The following ARHGAP15 variants were observed in gnomAD, a reference collection of about 807,000 sequenced individuals.
ARHGAP15 encodes rho GTPase-activating protein 15.
A neutral mutation model predicts 63.7 loss-of-function variants in ARHGAP15; 51 were observed. The observed-to-expected ratio is 0.80, with a 90% CI of 0.64 to 1.01. ARHGAP15 has a LOEUF of 1.01. Among genes scored for constraint, ARHGAP15 ranks in the 50% least tolerant of loss-of-function variants. The probability of loss-of-function intolerance (pLI) is 0.00; values close to 1 mark genes in which losing one functional copy is unlikely to be tolerated. For synonymous variants in ARHGAP15, 191 were observed against 193.8 expected, an observed-to-expected ratio of 0.99 and a Z score of 0.12; for missense variants, 560 against 564.6, an observed-to-expected ratio of 0.99 and a Z score of 0.08.
chr2:143,432,441 C>A (rs2105081333), intron 6 of ARHGAP15, among the ~76,000 whole-genome samples: 1 of 152,128 alleles, frequency 6.6e-6, no homozygotes, highest in Admixed American at 6.6e-5. Flanking sequence ...TAGTAAAGCT[C>A]CATTTAATTA....
At chr2:143,410,850 G>A (rs148327531) in intron 6 of ARHGAP15, among the ~76,000 whole-genome samples, 2 of 146,692 alleles carry the variant, frequency 1.4e-5, no homozygotes, top group Admixed American at 1.4e-4. Context: ...GTTAGGTTTT[G>A]TTGATGACAG....
intron 11 of ARHGAP15, among the ~76,000 whole-genome samples, chr2:143,613,652 G>A (rs144534728): frequency 6.6e-5 from 10 of 152,202 alleles, no homozygotes; most frequent in East Asian, 5.8e-4. Context: ...ACAAAAATTC[G>A]TCTCTGAACT....
At chr2:143,488,507 G>A (rs1226267243) in intron 9 of ARHGAP15, among the ~76,000 whole-genome samples, 1 of 152,172 alleles carries the variant, frequency 6.6e-6, no homozygotes, top group African/African-American at 2.4e-5. Context: ...TAGCTTATGT[G>A]TACATTTTGA....
At chr2:143,335,799 A>G (rs1457187759) in intron 6 of ARHGAP15, among the ~76,000 whole-genome samples, 3 of 152,066 alleles carry the variant, frequency 2.0e-5, no homozygotes, top group African/African-American at 7.2e-5. Context: ...AGACTGGGAA[A>G]AGCCAATGTT....
intron 8 of ARHGAP15, among the ~76,000 whole-genome samples, chr2:143,438,674 G>C (rs1437350035): frequency 1.3e-5 from 2 of 152,166 alleles, no homozygotes; most frequent in Non-Finnish European, 2.9e-5. Flanking sequence ...TAATGGTACA[G>C]TTTAGAGGTA....
chr2:143,235,207 A>T (rs1041774028), intron 5 of ARHGAP15, among the ~76,000 whole-genome samples: 2 of 151,900 alleles, frequency 1.3e-5, no homozygotes, highest in African/African-American at 4.8e-5. Context: ...CTGCCAAAAA[A>T]TAGGGTGAGA....
intron 4 of ARHGAP15, among the ~76,000 whole-genome samples, chr2:143,225,163 T>A (rs1246200402): frequency 6.6e-6 from 1 of 152,192 alleles, no homozygotes; most frequent in Non-Finnish European, 1.5e-5. Flanking sequence ...CACGGAATGG[T>A]GCATTTTTAT....
At chr2:143,547,296 G>C (rs1469656748) in intron 10 of ARHGAP15, among the ~76,000 whole-genome samples, 2 of 152,058 alleles carry the variant, frequency 1.3e-5, no homozygotes, top group Non-Finnish European at 2.9e-5. Flanking sequence ...AGGTATTAAG[G>C]TACATAAATG....
At chr2:143,408,274 G>A (rs979393297) in intron 6 of ARHGAP15, among the ~76,000 whole-genome samples, 4 of 147,920 alleles carry the variant, frequency 2.7e-5, no homozygotes, top group Non-Finnish European at 6.0e-5. Flanking sequence ...TTCTTAATCT[G>A]CAAACTACTT....
chr2:143,545,645 A>G (rs1211972161), intron 10 of ARHGAP15, among the ~76,000 whole-genome samples: 2 of 152,150 alleles, frequency 1.3e-5, no homozygotes, highest in African/African-American at 4.8e-5. Flanking sequence ...GTGAACAGCA[A>G]TGAACTAGGT....
At chr2:143,525,302 G>C (rs562788983) in intron 10 of ARHGAP15, among the ~76,000 whole-genome samples, 1 of 150,340 alleles carries the variant, frequency 6.7e-6, no homozygotes, top group Admixed American at 6.6e-5. Flanking sequence ...TTTATAAGCA[G>C]TGAGTAAAAA....
chr2:143,736,457 G>A (rs1364182111), intron 13 of ARHGAP15, among the ~76,000 whole-genome samples: 1 of 151,848 alleles, frequency 6.6e-6, no homozygotes, highest in African/African-American at 2.4e-5. Context: ...AGAGTACAGT[G>A]ATAGGAGATA....
intron 6 of ARHGAP15, among the ~76,000 whole-genome samples, chr2:143,416,926 C>A (rs991465331): frequency 2.0e-5 from 3 of 151,228 alleles, no homozygotes; most frequent in Admixed American, 6.6e-5. Context: ...TCACCTCTAA[C>A]CCCTCTTGGG....
chr2:143,236,646 T>C (rs1412931702), intron 5 of ARHGAP15: 2 of 152,170 alleles, frequency 1.3e-5, no homozygotes, highest in Non-Finnish European at 2.9e-5. Flanking sequence ...ATTTGAAATA[T>C]ATTCATGGAG....
intron 6 of ARHGAP15, among the ~76,000 whole-genome samples, chr2:143,416,078 A>C (rs1688664182): frequency 6.6e-6 from 1 of 151,800 alleles, no homozygotes. Context: ...CCGCTAAAGA[A>C]CTTACTCATG....
chr2:143,253,876 C>G (rs79452981), intron 6 of ARHGAP15, among the ~76,000 whole-genome samples: 1 of 151,994 alleles, frequency 6.6e-6, no homozygotes. Context: ...AGATAGTACA[C>G]ATTTATAAAA....
chr2:143,290,119 T>G (rs1273898950), intron 6 of ARHGAP15, among the ~76,000 whole-genome samples: 1 of 152,094 alleles, frequency 6.6e-6, no homozygotes, highest in Non-Finnish European at 1.5e-5. Context: ...TCAAAGCAGA[T>G]AGCAAACTAT....
At chr2:143,422,936 T>C (rs1371253390) in intron 6 of ARHGAP15, among the ~76,000 whole-genome samples, 1 of 152,098 alleles carries the variant, frequency 6.6e-6, no homozygotes, top group African/African-American at 2.4e-5. Context: ...AGACTGTGCA[T>C]TCTCAACTCT....
intron 11 of ARHGAP15, among the ~76,000 whole-genome samples, chr2:143,559,193 C>T (rs1198220437): frequency 6.6e-6 from 1 of 152,064 alleles, no homozygotes; most frequent in African/African-American, 2.4e-5. Context: ...AAACAGAAGC[C>T]ATGCTAGAAA....
Sources: gnomAD v4.1 joint callset for allele counts (sites outside exome capture counted in the v4.1 genomes callset) on GRCh38, gnomAD v4.1.1 for gene constraint, MANE v1.5 for transcripts, NCBI Gene and HGNC (gene_info 2026-07-23, HGNC 2026-07-21) for gene names.